THSD7A: variants seen among roughly 807,000 people sequenced by gnomAD.
THSD7A encodes the protein thrombospondin type-1 domain-containing protein 7A.
Under a neutral mutation model 231.3 loss-of-function variants are expected in THSD7A, and 96 were observed. The observed-to-expected ratio is 0.41, with a 90% CI of 0.35 to 0.49. The LOEUF is 0.49. Ranked by LOEUF, THSD7A falls within the 20% of genes least tolerant of loss-of-function variation. The pLI is 0.05. For missense variants in THSD7A, 2,290 were observed against 2,070.2 expected, an observed-to-expected ratio of 1.11 and a Z score of -2.06; for synonymous variants, 940 against 743.3, an observed-to-expected ratio of 1.26 and a Z score of -4.30.
intron 2 of THSD7A, among the ~76,000 whole-genome samples, chr7:11,613,914 T>C (rs149441720): frequency 1.3e-5 from 2 of 152,324 alleles, no homozygotes; most frequent in South Asian, 2.1e-4. Context: ...TGATGTCCTA[T>C]TGCTTCTGAA....
chr7:11,382,398 C>T (rs1478210917), intron 24 of THSD7A, 123 bp downstream of exon 24: 1 of 784,572 alleles, frequency 1.3e-6, no homozygotes, highest in African/African-American at 1.7e-5. Context: ...CTTAGGCATC[C>T]TGAATCCCAA....
chr7:11,665,391 G>C (rs573734957), intron 1 of THSD7A, among the ~76,000 whole-genome samples: 1 of 152,172 alleles, frequency 6.6e-6, no homozygotes, highest in South Asian at 2.1e-4. Context: ...TAAGTGGTAA[G>C]GTTGAGACCT....
chr7:11,649,248 G>A (rs147606572), intron 1 of THSD7A, among the ~76,000 whole-genome samples: 1 of 152,086 alleles, frequency 6.6e-6, no homozygotes, highest in African/African-American at 2.4e-5. Flanking sequence ...GATCTTCTTG[G>A]AAGCAGATCT....
At chr7:11,577,738 A>T (rs1790978542) in intron 4 of THSD7A, among the ~76,000 whole-genome samples, 1 of 151,766 alleles carries the variant, frequency 6.6e-6, no homozygotes, top group Admixed American at 6.6e-5. Context: ...ATCCTGTGGG[A>T]TATAAGGGGC....
chr7:11,559,528 T>TAAATCC (rs1404571802), intron 4 of THSD7A, among the ~76,000 whole-genome samples: 11 of 151,146 alleles, frequency 7.3e-5, no homozygotes, highest in Non-Finnish European at 1.6e-4. Flanking sequence ...TCCATATATA[T>TAAATCC]ATATATAAAT....
At chr7:11,396,627 G>C (rs920114871) in intron 23 of THSD7A, among the ~76,000 whole-genome samples, 1 of 152,142 alleles carries the variant, frequency 6.6e-6, no homozygotes. Flanking sequence ...CTAAAATTGA[G>C]GCAGTAATTA....
In THSD7A at chr7:11,470,718, GATAA is replaced by G. The variant is rs201982095; in HGVS notation, c.2253-728_2253-725del. 2.9e-3 allele frequency among the ~76,000 whole-genome samples: 447 copies of G among 151,534 alleles called. 3 individuals carry two copies. The highest frequency in any genetic ancestry group is 0.02 in the East Asian group (102 of 5,158). On this transcript the variant is annotated intron_variant, in intron 8 of 27. Transcript: ENST00000423059. Reference sequence around the variant, plus strand: ...TCTTTTTTGAAACAAAAACAGTGAAGATAAATAAAGATAGTAAATCAGTAAAGAA... The same window carrying G: ...TCTTTTTTGAAACAAAAACAGTGAAGATAAAGATAGTAAATCAGTAAAGAA...
At chr7:11,501,839 C>T (rs910267105) in intron 6 of THSD7A, among the ~76,000 whole-genome samples, 1 of 152,042 alleles carries the variant, frequency 6.6e-6, no homozygotes, top group African/African-American at 2.4e-5. Flanking sequence ...TCAATGAATC[C>T]AGCAGTTTGT....
At chr7:11,698,325 G>GT (rs925194466) in intron 1 of THSD7A, among the ~76,000 whole-genome samples, 401 of 148,762 alleles carry the variant, frequency 2.7e-3, no homozygotes, top group African/African-American at 8.9e-3. Flanking sequence ...AAGCAGTGAA[G>GT]TTTTTTTTTT....
At chr7:11,450,484 CT>C (rs2128295485) in intron 11 of THSD7A, among the ~76,000 whole-genome samples, 1 of 152,106 alleles carries the variant, frequency 6.6e-6, no homozygotes, top group East Asian at 1.9e-4. Flanking sequence ...AAAATTTATC[CT>C]ACATCTCAAC....
At chr7:11,412,892 T>C in intron 17 of THSD7A, 92 bp from the exon 18 acceptor site, 2 of 1,419,464 alleles carry the variant, frequency 1.4e-6, no homozygotes, top group Non-Finnish European at 1.9e-6. Context: ...AGTTAGAACA[T>C]TTGGGCCACT....
At chr7:11,708,581 T>C (rs1275091132) in intron 1 of THSD7A, among the ~76,000 whole-genome samples, 1 of 150,764 alleles carries the variant, frequency 6.6e-6, no homozygotes, top group African/African-American at 2.4e-5. Flanking sequence ...TTTTCTCTGC[T>C]GTAACATGTA....
At chr7:11,576,448 A>T (rs780912266) in intron 4 of THSD7A, among the ~76,000 whole-genome samples, 4 of 152,212 alleles carry the variant, frequency 2.6e-5, no homozygotes, top group Non-Finnish European at 2.9e-5. Flanking sequence ...TGCCCTATCT[A>T]GAGGACACTG....
chr7:11,821,133 A>G (rs1015797010), intron 1 of THSD7A: 2 of 1,077,326 alleles, frequency 1.9e-6, no homozygotes, highest in Non-Finnish European at 1.4e-6. Context: ...CAGTTCCTCT[A>G]TTTAGGTATT....
intron 2 of THSD7A, among the ~76,000 whole-genome samples, chr7:11,616,714 A>G (rs1376491798): frequency 6.6e-6 from 1 of 152,064 alleles, no homozygotes; most frequent in South Asian, 2.1e-4. Context: ...TTCTTTTACC[A>G]TAACCCAGTG....
chr7:11,469,713 A>G (rs1484784348), intron 9 of THSD7A, among the ~76,000 whole-genome samples, 166 bp downstream of exon 9: 1 of 152,188 alleles, frequency 6.6e-6, no homozygotes, highest in African/African-American at 2.4e-5. Flanking sequence ...GGTATTCTAA[A>G]GCTATGTTAT....
At chr7:11,770,054 T>C (rs1331637777) in intron 1 of THSD7A, among the ~76,000 whole-genome samples, 1 of 152,120 alleles carries the variant, frequency 6.6e-6, no homozygotes, top group Non-Finnish European at 1.5e-5. Flanking sequence ...TGTTCATTAT[T>C]TTACCTATTG....
chr7:11,378,025 T>TATCA (rs751841674), intron 26 of THSD7A: 28 of 152,040 alleles, frequency 1.8e-4, no homozygotes, highest in Admixed American at 4.6e-4. Context: ...TAAATCATAC[T>TATCA]ATCAGCTAAA....
At chr7:11,412,883 G>C (rs1783833012) in intron 17 of THSD7A, 83 bp from the exon 18 acceptor site, 1 of 1,485,628 alleles carries the variant, frequency 6.7e-7, no homozygotes, top group African/African-American at 1.4e-5. Context: ...TGGAGCAGGA[G>C]TTAGAACATT....
Sources: allele counts gnomAD v4.1 joint callset (sites outside exome capture counted in the v4.1 genomes callset), GRCh38; gene constraint gnomAD v4.1.1; transcripts MANE v1.5; gene names NCBI Gene and HGNC (gene_info 2026-07-23, HGNC 2026-07-21).